DCC: variants seen among roughly 807,000 people sequenced by gnomAD.
DCC encodes the protein DCC netrin 1 receptor.
In DCC, 58 loss-of-function variants were observed where a neutral mutation model predicts 172.5. That is an observed-to-expected ratio of 0.34 (90% confidence interval 0.27 to 0.42). The LOEUF (loss-of-function observed/expected upper bound fraction) is 0.42. Among genes scored for constraint, DCC ranks in the 10% least tolerant of loss-of-function variants. The pLI, the probability that DCC is intolerant of heterozygous loss-of-function variation, is 1.00. For missense variants in DCC, 1,740 were observed against 1,791.0 expected (o/e 0.97, Z 0.51); for synonymous variants, 709 against 644.5 (o/e 1.10, Z -1.52).
In DCC at chr18:52,746,911, GA is replaced by G. The variant is rs571435890; in HGVS notation, c.92-5130del. Among the ~76,000 whole-genome samples the G allele has an allele frequency of 5.7e-3, 715 of 125,652 alleles. 2 individuals carry two copies. Among genetic ancestry groups the G allele is most frequent in the Middle Eastern group, 0.013 (3 of 234 alleles). The allele number at this position is 125,652 out of a possible 152,430, so 82.4% of individuals were successfully genotyped here. On this transcript the variant is annotated intron_variant, in intron 1 of 28. Transcript: ENST00000442544. ...TCTGCTTACAAACTATCATTTTACAGAAAAAAAAAAAAAGGAGGAGAAGAAA... is the reference window on the plus strand; with the variant it reads ...TCTGCTTACAAACTATCATTTTACAGAAAAAAAAAAAAGGAGGAGAAGAAA...
chr18:52,369,341 T>G (rs1985015430), intron 1 of DCC, among the ~76,000 whole-genome samples: 1 of 152,078 alleles, frequency 6.6e-6, no homozygotes, highest in South Asian at 2.1e-4. Context: ...TGGTTATTTC[T>G]CCCCACCTCA....
intron 2 of DCC, among the ~76,000 whole-genome samples, chr18:52,808,527 CTG>C (rs1258643882): frequency 6.6e-6 from 1 of 151,662 alleles, no homozygotes; most frequent in African/African-American, 2.4e-5. Context: ...AAATGGATCA[CTG>C]TTAGAAAAGA....
chr18:52,984,954 A>C (rs67230963), intron 5 of DCC, among the ~76,000 whole-genome samples: 7,648 of 152,226 alleles, frequency 0.05, 334 homozygotes, highest in East Asian at 0.21. Flanking sequence ...TTAAAAAATA[A>C]TAACATGCCT....
chr18:53,385,255 C>A (rs532817765), intron 15 of DCC, among the ~76,000 whole-genome samples: 5 of 152,120 alleles, frequency 3.3e-5, no homozygotes, highest in South Asian at 2.1e-4. Context: ...CTTGTATGGA[C>A]CCCTGAATTA....
At chr18:53,095,372 A>G (rs1295748251) in intron 7 of DCC, among the ~76,000 whole-genome samples, 2 of 152,202 alleles carry the variant, frequency 1.3e-5, no homozygotes, top group Non-Finnish European at 2.9e-5. Flanking sequence ...TAGATTTGAG[A>G]GGGAAAAATC....
rs2057106420 is a variant in DCC, at chr18:53,299,462, C to T, written c.1912-6116C>T. Among the ~76,000 whole-genome samples the T allele has an allele frequency of 2.0e-5, 3 of 152,128 alleles. No individual in the cohort carries two copies. In the South Asian group the frequency reaches 6.2e-4, roughly 32 times the overall value. ...ATCTTGAGCTTGTTCTTGATATTTCCTGTTTTAAATACCATTCCCAACCCC... is the reference window on the plus strand; with the variant it reads ...ATCTTGAGCTTGTTCTTGATATTTCTTGTTTTAAATACCATTCCCAACCCC... On this transcript the variant is annotated intron_variant, in intron 12 of 28. Coordinates refer to ENST00000442544, the MANE Select transcript of DCC (RefSeq NM_005215.4).
intron 19 of DCC, among the ~76,000 whole-genome samples, chr18:53,407,572 C>A (rs117467762): frequency 0.23 from 30,271 of 130,116 alleles, 3,955 homozygotes; most frequent in East Asian, 0.44. Flanking sequence ...ATTACTCTCT[C>A]TCTATATATA....
intron 1 of DCC, among the ~76,000 whole-genome samples, chr18:52,737,866 A>G (rs1249623217): frequency 1.3e-5 from 2 of 152,128 alleles, no homozygotes; most frequent in African/African-American, 4.8e-5. Flanking sequence ...AAAAGAATGG[A>G]GTGTTGAGGA....
At chr18:52,731,069 A>G (rs563671470) in intron 1 of DCC, among the ~76,000 whole-genome samples, 420 of 152,264 alleles carry the variant, frequency 2.8e-3, no homozygotes, top group Non-Finnish European at 2.5e-3. Context: ...GCTATAAATC[A>G]CAGCCACAAC....
At chr18:53,263,959 A>C (rs181302918) in intron 12 of DCC, among the ~76,000 whole-genome samples, 1 of 152,282 alleles carries the variant, frequency 6.6e-6, no homozygotes, top group African/African-American at 2.4e-5. Flanking sequence ...TATAAGGCAT[A>C]GTTTCTGATT....
intron 15 of DCC, 29 bp from the exon 16 acceptor site, chr18:53,386,014 C>T (rs1908139112): frequency 1.2e-5 from 17 of 1,367,544 alleles, no homozygotes; most frequent in Admixed American, 1.7e-5. Context: ...TATATCAACA[C>T]GTTCATATTG....
At position 52,642,016 on chromosome 18, in the gene DCC, A is replaced by ATG. The variant is rs1339129882; in HGVS notation, c.92-110037_92-110036insGT. ...TAAAGAAACTGTGGTGTGTGTGTGT[A>ATG]TATATATATATATATATATATATAT... On this transcript the variant is annotated intron_variant, in intron 1 of 28. Transcript: ENST00000442544. 4.4e-3 allele frequency among the ~76,000 whole-genome samples: 169 copies of ATG among 38,594 alleles called. 2 individuals are homozygous for ATG. Among genetic ancestry groups the ATG allele is most frequent in the Middle Eastern group, 0.021 (1 of 48 alleles). The allele number at this position is 38,594 out of a possible 152,430, so 25.3% of individuals were successfully genotyped here.
intron 1 of DCC, among the ~76,000 whole-genome samples, chr18:52,702,677 G>A (rs774015560): frequency 1.8e-4 from 28 of 152,138 alleles, no homozygotes; most frequent in Admixed American, 5.2e-4. Flanking sequence ...TTAGGTCTCC[G>A]TCTTACTCCC....
chr18:53,464,676 G>A (rs1376734964), intron 24 of DCC, among the ~76,000 whole-genome samples: 1 of 151,384 alleles, frequency 6.6e-6, no homozygotes, highest in East Asian at 1.9e-4. Context: ...AATATCAAAG[G>A]ACTTATTTGA....
chr18:53,042,552 A>T (rs1019772891), intron 5 of DCC, among the ~76,000 whole-genome samples: 1 of 151,688 alleles, frequency 6.6e-6, no homozygotes, highest in Non-Finnish European at 1.5e-5. Context: ...CTCTTTTTCT[A>T]TTGTTTGGAA....
At chr18:53,196,683 T>C (rs889910293) in intron 9 of DCC, among the ~76,000 whole-genome samples, 6 of 152,272 alleles carry the variant, frequency 3.9e-5, no homozygotes, top group Non-Finnish European at 7.4e-5. Flanking sequence ...TATCACACAT[T>C]ATATATGTGT....
At chr18:53,055,734 A>G (rs936707326) in intron 5 of DCC, among the ~76,000 whole-genome samples, 2 of 152,142 alleles carry the variant, frequency 1.3e-5, no homozygotes, top group African/African-American at 4.8e-5. Context: ...AAAGTAAACT[A>G]GAGAGAAATA....
intron 5 of DCC, among the ~76,000 whole-genome samples, chr18:52,972,516 GCT>G (rs1491270199): frequency 8.7e-6 from 1 of 114,450 alleles, no homozygotes; most frequent in South Asian, 3.3e-4. Context: ...AAAATTTCTT[GCT>G]TTTTTTTTTT....
At chr18:53,483,215 T>A (rs934089251) in intron 25 of DCC, among the ~76,000 whole-genome samples, 1 of 152,006 alleles carries the variant, frequency 6.6e-6, no homozygotes, top group African/African-American at 2.4e-5. Context: ...TTTCCCTTTT[T>A]CTGGAGTCTG....
Sources: gnomAD v4.1 joint callset for allele counts (sites outside exome capture counted in the v4.1 genomes callset) on GRCh38, gnomAD v4.1.1 for gene constraint, MANE v1.5 for transcripts, NCBI Gene and HGNC (gene_info 2026-07-23, HGNC 2026-07-21) for gene names.